Variants in TRRAP observed in about 807,000 individuals in gnomAD.
The protein encoded by TRRAP is transformation/transcription domain-associated protein.
Under a neutral mutation model 438.8 loss-of-function variants are expected in TRRAP, and 41 were observed. The observed-to-expected ratio is 0.09, with a 90% CI of 0.07 to 0.12. The LOEUF (loss-of-function observed/expected upper bound fraction) is 0.12, where lower values mean the gene tolerates loss of function less well. TRRAP is among the 10% of genes least tolerant of loss of function. The pLI is 1.00. For missense variants in TRRAP, 3,122 were observed against 5,055.1 expected (o/e 0.62, Z 11.60); for synonymous variants, 1,994 against 1,962.9 (o/e 1.02, Z -0.42).
intron 1 of TRRAP, among the ~76,000 whole-genome samples, chr7:98,880,263 T>TTTGTTGTTG (rs1795363051): frequency 2.6e-4 from 1 of 3,782 alleles, no homozygotes; most frequent in East Asian, 2.7e-3. Flanking sequence ...GTTGTTGTTG[T>TTTGTTGTTG]TTTTTTTTTT....
At chr7:99,001,293 G>A (rs1269223639) in intron 67 of TRRAP, among the ~76,000 whole-genome samples, 1 of 152,230 alleles carries the variant, frequency 6.6e-6, no homozygotes, top group Non-Finnish European at 1.5e-5. Context: ...TGAAGGGCAA[G>A]CCCGGTCCTC....
chr7:98,931,719 T>G, intron 26 of TRRAP, 54 bp downstream of exon 26: 1 of 1,579,792 alleles, frequency 6.3e-7, no homozygotes, highest in Admixed American at 1.8e-5. Context: ...TTTGAGCCTT[T>G]TTTTTAAATT....
At chr7:98,891,673 C>G (rs1458850036) in intron 4 of TRRAP, among the ~76,000 whole-genome samples, 1 of 151,264 alleles carries the variant, frequency 6.6e-6, no homozygotes, top group Admixed American at 6.6e-5. Context: ...GTAGCTGGGA[C>G]TACAGGCGCC....
chr7:98,998,978 C>G (rs934097406), intron 67 of TRRAP: 1 of 617,578 alleles, frequency 1.6e-6, no homozygotes, highest in Non-Finnish European at 2.9e-6. Flanking sequence ...GTGGTACAGC[C>G]AGGCCCTGCA....
At chr7:98,935,083 A>T (rs1202643660) in intron 27 of TRRAP, among the ~76,000 whole-genome samples, 1 of 152,188 alleles carries the variant, frequency 6.6e-6, no homozygotes, top group Non-Finnish European at 1.5e-5. Context: ...CTGGAAGGAT[A>T]GCCACTGGAA....
Position 98,992,260 on chromosome 7 carries a change from G to A in TRRAP, c.9847+33G>A, listed in dbSNP as rs374857832. The A allele has an allele frequency of 1.2e-5, 19 of 1,609,444 alleles. No individual in the cohort carries two copies. The East Asian group carries it at 1.3e-4, about 11-fold the overall frequency. On this transcript the variant is annotated intron_variant, in intron 65 of 72. Coordinates refer to ENST00000456197, the MANE Select transcript of TRRAP (RefSeq NM_001375524.1). ...TCGGGTGGGGCCGGTAGGCCAGGCC[G>A]GGAAGGGCTCATTCCAGGGGGTGCC...
chr7:98,903,587 A>G (rs1405708719), intron 12 of TRRAP, 70 bp downstream of exon 12: 15 of 1,594,944 alleles, frequency 9.4e-6, no homozygotes, highest in East Asian at 4.5e-5. Flanking sequence ...CTCGGCTGAC[A>G]TTCCATAGTT....
rs538550804 is a variant in TRRAP, at chr7:98,946,594, C to T, written c.4548+644C>T. Among the ~76,000 whole-genome samples the T allele has an allele frequency of 1.3e-4, 20 of 151,318 alleles. No homozygotes were observed. The South Asian group carries it at 4.2e-3, about 32-fold the overall frequency. ...CACACGCGCACACACCACATATGCA[C>T]ACAACACATATGCACACACACCACA... On this transcript the variant is annotated intron_variant, in intron 33 of 72. Transcript: ENST00000456197.
At chr7:98,919,229 T>A (rs1789674329) in intron 20 of TRRAP, among the ~76,000 whole-genome samples, 1 of 152,148 alleles carries the variant, frequency 6.6e-6, no homozygotes, top group South Asian at 2.1e-4. Context: ...AGACTGCAGC[T>A]AGGACTGAGT....
chr7:98,999,687 TG>T, intron 67 of TRRAP: 1 of 904,464 alleles, frequency 1.1e-6, no homozygotes, highest in Non-Finnish European at 1.8e-6. Context: ...ATGGATAATC[TG>T]GTGGCAGTTC....
At chr7:98,965,255 A>G (rs531485877) in intron 48 of TRRAP, among the ~76,000 whole-genome samples, 1 of 152,382 alleles carries the variant, frequency 6.6e-6, no homozygotes, top group African/African-American at 2.4e-5. Flanking sequence ...ACCAGTGCTT[A>G]CTGTGAAACA....
chr7:99,003,496 C>T (rs967473377), intron 67 of TRRAP, among the ~76,000 whole-genome samples: 7 of 152,104 alleles, frequency 4.6e-5, no homozygotes, highest in African/African-American at 1.7e-4. Flanking sequence ...GTCTTCAGGC[C>T]CTGGTGACAC....
chr7:98,959,360 A>G lies in TRRAP; in HGVS notation c.6359A>G (p.Asn2120Ser). 2.5e-6 allele frequency: 4 copies of G among 1,613,984 alleles called. No homozygotes were observed. Among genetic ancestry groups the G allele is most frequent in the South Asian group, 1.1e-5 (1 of 91,062 alleles). ...RVACQVNDNT[N>S]TAGSPGEVLS... ...AATTCCTAGGTTAATGACAACACCAACACAGCGGGGTCCCCTGGGGAGGTG... is the reference window on the plus strand; with the variant it reads ...AATTCCTAGGTTAATGACAACACCAGCACAGCGGGGTCCCCTGGGGAGGTG... Residue 2120 changes from asparagine to serine, a missense_variant, in exon 45 of 73, where the codon AAC (asparagine) becomes AGC (serine). Physicochemically the swap from Asn to Ser is conservative, Grantham distance 46. This residue lies in a region of TRRAP where 992 missense variants were observed against 1,281.2 expected (regional missense o/e 0.77). Coordinates refer to ENST00000456197, the MANE Select transcript of TRRAP (RefSeq NM_001375524.1).
rs553641839 is a variant in TRRAP at position 99,000,653 on chromosome 7, G to C, written c.10310-3537G>C. ...GGCAACTGACCAACAAGTGGGGCAG[G>C]CCGCAGCCTAGCTCTCTGCCCCAGC... On this transcript the variant is annotated intron_variant, in intron 67 of 72. Transcript: ENST00000456197. Among the ~76,000 whole-genome samples the C allele has an allele frequency of 6.9e-3, 1,046 of 152,392 alleles. 8 individuals are homozygous for C. The highest frequency in any genetic ancestry group is 0.014 in the Middle Eastern group (4 of 294).
intron 20 of TRRAP, among the ~76,000 whole-genome samples, chr7:98,920,424 T>G (rs1180630662): frequency 6.6e-6 from 1 of 151,070 alleles, no homozygotes; most frequent in Non-Finnish European, 1.5e-5. Context: ...GAGCCGAGAT[T>G]GCACCACTGC....
intron 30 of TRRAP, among the ~76,000 whole-genome samples, chr7:98,939,158 T>G (rs1554415010): frequency 6.6e-6 from 1 of 152,256 alleles, no homozygotes; most frequent in East Asian, 1.9e-4. Context: ...TTTTTCATGC[T>G]TATGTTTCCC....
Position 98,908,540 on chromosome 7 carries a change from G to A in TRRAP, c.1116-188G>A, listed in dbSNP as rs543522770. 9.1e-4 allele frequency among the ~76,000 whole-genome samples: 138 copies of A among 152,262 alleles called. No homozygotes were observed. The highest frequency in any genetic ancestry group is 2.9e-3 in the African/African-American group (122 of 41,556). ...TTTTAGCTTGGAAGGTAAAGATGGAGGTATCAGTACAAAACTTGAGCCCTC... is the reference window on the plus strand; with the variant it reads ...TTTTAGCTTGGAAGGTAAAGATGGAAGTATCAGTACAAAACTTGAGCCCTC... On this transcript the variant is annotated intron_variant, in intron 13 of 72. Coordinates refer to ENST00000456197, the MANE Select transcript of TRRAP (RefSeq NM_001375524.1). The surrounding 1 kb of genome is among the most constrained non-coding windows in gnomAD (Gnocchi z 4.1).
chr7:98,999,529 G>T lies in TRRAP; in HGVS notation c.10310-4661G>T, dbSNP rs139175774. 292 of 725,484 alleles carry T rather than the reference G, an allele frequency of 4.0e-4. 2 individuals carry two copies. The African/African-American group carries it at 4.3e-3, about 11-fold the overall frequency. The allele number at this position is 725,484 out of a possible 1,614,324, so 44.9% of individuals were successfully genotyped here. On this transcript the variant is annotated intron_variant, in intron 67 of 72. Transcript: ENST00000456197. ...AGAGACAATATTGGGGTGCACCAGG[G>T]TCTCTTGCTTAAGAAACTGCATCCA... is the stretch of plus-strand genomic sequence containing the variant.
At chr7:98,896,868 C>A (rs1443524641) in intron 7 of TRRAP, among the ~76,000 whole-genome samples, 1 of 152,156 alleles carries the variant, frequency 6.6e-6, no homozygotes, top group African/African-American at 2.4e-5. Flanking sequence ...TCATAGGCAG[C>A]TGCCTTGTTG....
Sources: gnomAD v4.1 joint callset for allele counts (sites outside exome capture counted in the v4.1 genomes callset) on GRCh38, gnomAD v4.1.1 for gene constraint, gnomAD v4.1.1 regional missense constraint, Gnocchi (gnomAD v3.1) non-coding constraint, MANE v1.5 for transcripts, NCBI Gene and HGNC (gene_info 2026-07-23, HGNC 2026-07-21) for gene names.